USP49: variants seen among roughly 807,000 people sequenced by gnomAD.
USP49 encodes the protein ubiquitin specific peptidase 49, also known as ubiquitin carboxyl-terminal hydrolase 49.
A neutral mutation model predicts 58.6 loss-of-function variants in USP49; 24 were observed. The observed-to-expected ratio is 0.41, with a 90% confidence interval of 0.30 to 0.58. USP49 has a LOEUF of 0.58. USP49 is among the 20% of genes least tolerant of loss of function. The pLI, the probability that USP49 is intolerant of heterozygous loss-of-function variation, is 0.30. For missense variants in USP49, 703 were observed against 866.1 expected (o/e 0.81, Z 2.36); for synonymous variants, 408 against 365.1 (o/e 1.12, Z -1.34).
intron 7 of USP49, chr6:41,797,580 A>C (rs1158756198): frequency 2.0e-6 from 2 of 980,142 alleles, no homozygotes; most frequent in Non-Finnish European, 2.4e-6. Context: ...GCTCCTTTGG[A>C]GGGGCCCTTG....
chr6:41,811,037 G>A (rs72867133), intron 3 of USP49, among the ~76,000 whole-genome samples: 2,606 of 152,106 alleles, frequency 0.017, 31 homozygotes, highest in Non-Finnish European at 0.026. Context: ...CTATTTATGT[G>A]TGCCAAAACC....
intron 3 of USP49, among the ~76,000 whole-genome samples, chr6:41,860,277 G>A (rs761980470): frequency 6.8e-6 from 1 of 147,572 alleles, no homozygotes; most frequent in Non-Finnish European, 1.5e-5. Context: ...GGGAGGGAGA[G>A]AGAGAGAAAG....
intron 2 of USP49, among the ~76,000 whole-genome samples, chr6:41,889,836 T>C (rs1219677566): frequency 6.6e-6 from 1 of 152,190 alleles, no homozygotes; most frequent in Non-Finnish European, 1.5e-5. Context: ...TTAAAAATAC[T>C]CAAGTGAGAG....
intron 3 of USP49, among the ~76,000 whole-genome samples, chr6:41,822,085 A>G (rs891280700): frequency 1.3e-5 from 2 of 152,234 alleles, no homozygotes; most frequent in Non-Finnish European, 2.9e-5. Context: ...TATGTATAGT[A>G]GAGTAATAGA....
Position 41,805,696 on chromosome 6 carries a change from G to A in USP49, c.1288C>T (p.Gln430Ter). ...TTRRILIPFS[Q>*]RKLTKQVLKV... ...AAGACCTGTTTGGTGAGCTTCCTCT[G>A]GGAGAAGGGGATGAGGATCCGGCGT... The change falls in exon 4 of 8, where the codon CAG (glutamine) becomes TAG (stop). Residue 430 changes from glutamine to a stop codon, truncating the protein, a stop_gained. Coordinates refer to ENST00000682992, the MANE Select transcript of USP49 (RefSeq NM_001286554.2). LOFTEE classifies it high-confidence loss of function. The A allele has an allele frequency of 6.2e-7, 1 of 1,614,144 alleles. No individual in the cohort carries two copies. The highest frequency in any genetic ancestry group is 8.5e-7 in the Non-Finnish European group (1 of 1,180,008).
intron 3 of USP49, among the ~76,000 whole-genome samples, chr6:41,811,018 G>A (rs1773249660): frequency 1.3e-5 from 2 of 151,988 alleles, no homozygotes; most frequent in South Asian, 4.2e-4. Flanking sequence ...TGCCGTTTTT[G>A]GCCTAGTCCT....
chr6:41,831,580 CAAAAAAA>C (rs57125790), intron 3 of USP49, among the ~76,000 whole-genome samples: 1 of 114,294 alleles, frequency 8.7e-6, no homozygotes, highest in Non-Finnish European at 1.9e-5. Context: ...AACTCCATCT[CAAAAAAA>C]AAAAAAAAAA....
At chr6:41,857,974 G>C (rs1211616217) in intron 3 of USP49, among the ~76,000 whole-genome samples, 1 of 152,180 alleles carries the variant, frequency 6.6e-6, no homozygotes, top group Non-Finnish European at 1.5e-5. Context: ...ATGTCAACCA[G>C]GGATTTAGCA....
At chr6:41,866,543 T>C (rs1319599041) in intron 3 of USP49, among the ~76,000 whole-genome samples, 2 of 152,200 alleles carry the variant, frequency 1.3e-5, no homozygotes, top group Non-Finnish European at 2.9e-5. Flanking sequence ...ATTCTGAGTT[T>C]GGTACATATC....
intron 3 of USP49, among the ~76,000 whole-genome samples, chr6:41,852,174 A>T (rs1180107043): frequency 6.6e-6 from 1 of 151,730 alleles, no homozygotes; most frequent in South Asian, 2.1e-4. Context: ...AAAAATACAA[A>T]ATTAGTTGGG....
intron 3 of USP49, among the ~76,000 whole-genome samples, chr6:41,834,926 T>C (rs1773699865): frequency 6.6e-6 from 1 of 152,160 alleles, no homozygotes; most frequent in South Asian, 2.1e-4. Context: ...CTGCCTATCT[T>C]CAGTTTTTAT....
At position 41,793,902 on chromosome 6, in the gene USP49, A is replaced by G. The variant is rs545061952; in HGVS notation, c.*2631T>C. On this transcript the variant is annotated 3_prime_UTR_variant, in exon 8 of 8. Coordinates refer to ENST00000682992, the MANE Select transcript of USP49 (RefSeq NM_001286554.2). ...CTTGCCCTGGGAGAGAAGCAGGCCC[A>G]TTAAGGTTCGGTTAGGAGACCTTGG... The G allele has an allele frequency of 1.3e-4, 20 of 152,376 alleles. No homozygotes were observed. Among genetic ancestry groups the G allele is most frequent in the African/African-American group, 4.8e-4 (20 of 41,588 alleles). 9.4% of individuals were successfully genotyped at this position (152,376 alleles called of 1,614,324 possible).
chr6:41,831,498 T>C (rs1023851518), intron 3 of USP49, among the ~76,000 whole-genome samples: 5 of 151,382 alleles, frequency 3.3e-5, no homozygotes, highest in South Asian at 2.1e-4. Flanking sequence ...GAGAATTGCT[T>C]GAACCCAGGA....
intron 3 of USP49, among the ~76,000 whole-genome samples, chr6:41,843,639 G>A (rs527638398): frequency 6.6e-6 from 1 of 152,270 alleles, no homozygotes; most frequent in East Asian, 1.9e-4. Context: ...TGAGTGCTGT[G>A]GCTCACACCT....
chr6:41,796,818 G>C (rs1372754886), intron 7 of USP49, 95 bp from the exon 8 acceptor site: 1 of 651,248 alleles, frequency 1.5e-6, no homozygotes, highest in African/African-American at 1.8e-5. Context: ...GGACAGAGAA[G>C]TTCTGAATAG....
intron 5 of USP49, among the ~76,000 whole-genome samples, chr6:41,802,965 C>A (rs542917581): frequency 6.6e-6 from 1 of 152,314 alleles, no homozygotes; most frequent in African/African-American, 2.4e-5. Flanking sequence ...CATGAAGCTG[C>A]CACTGAGCAA....
chr6:41,868,238 A>G (rs920346285), intron 3 of USP49, among the ~76,000 whole-genome samples: 13 of 152,242 alleles, frequency 8.5e-5, no homozygotes, highest in Admixed American at 5.9e-4. Flanking sequence ...ATGAAATGAG[A>G]TAATGAATAA....
chr6:41,806,997 C>A lies in USP49; in HGVS notation c.-14G>T, dbSNP rs769788252. The A allele has an allele frequency of 5.5e-6, 8 of 1,453,770 alleles. No homozygotes were observed. Among genetic ancestry groups the A allele is most frequent in the South Asian group, 1.6e-5 (1 of 63,778 alleles). The allele number at this position is 1,453,770 out of a possible 1,614,324, so 90.1% of individuals were successfully genotyped here. Reference sequence around the variant, plus strand: ...GCATCTATCCATGTCTTATAGAAGTCGCCACTTTCTCAACCTGGCACGACA... The same window carrying A: ...GCATCTATCCATGTCTTATAGAAGTAGCCACTTTCTCAACCTGGCACGACA... On this transcript the variant is annotated 5_prime_UTR_variant, in exon 4 of 8. Transcript: ENST00000682992. The surrounding 1 kb of genome is among the most constrained non-coding windows in gnomAD (Gnocchi z 5.9).
chr6:41,881,559 G>A (rs1201244396), intron 2 of USP49, among the ~76,000 whole-genome samples: 1 of 152,010 alleles, frequency 6.6e-6, no homozygotes, highest in African/African-American at 2.4e-5. Flanking sequence ...TAAGTTTCAA[G>A]GCAAAACAAA....
Sources: gnomAD v4.1 joint callset for allele counts (sites outside exome capture counted in the v4.1 genomes callset) on GRCh38, gnomAD v4.1.1 for gene constraint, Gnocchi (gnomAD v3.1) non-coding constraint, MANE v1.5 for transcripts, NCBI Gene and HGNC (gene_info 2026-07-23, HGNC 2026-07-21) for gene names.